The following LRRC4C variants were observed in gnomAD, a reference collection of about 807,000 sequenced individuals.
LRRC4C encodes leucine rich repeat containing 4C.
A neutral mutation model predicts 33.6 loss-of-function variants in LRRC4C; 5 were observed. The ratio of observed to expected loss-of-function variants is 0.15; its 90% CI spans 0.08 to 0.31. LRRC4C has a LOEUF of 0.31. Among genes scored for constraint, LRRC4C ranks in the 10% least tolerant of loss-of-function variants. The pLI is 1.00. For synonymous variants in LRRC4C, 329 were observed against 302.0 expected, an observed-to-expected ratio of 1.09 and a Z score of -0.93; for missense variants, 560 against 796.7, an observed-to-expected ratio of 0.70 and a Z score of 3.58.
intron 1 of LRRC4C, among the ~76,000 whole-genome samples, chr11:41,261,812 A>G (rs1948990748): frequency 6.6e-6 from 1 of 152,156 alleles, no homozygotes. Context: ...AGTGGAGATC[A>G]TATTCAATGT....
chr11:40,627,272 A>AGAGAGT (rs1555123533), intron 3 of LRRC4C, among the ~76,000 whole-genome samples: 2 of 108,802 alleles, frequency 1.8e-5, no homozygotes, highest in African/African-American at 3.8e-5. Flanking sequence ...AGAGAGAGAG[A>AGAGAGT]GAGCGAGAGA....
intron 1 of LRRC4C, among the ~76,000 whole-genome samples, chr11:40,984,374 AGAAAG>A (rs1852802306): frequency 1.3e-5 from 1 of 77,510 alleles, no homozygotes; most frequent in African/African-American, 4.8e-5. Flanking sequence ...AAAGAAAGAA[AGAAAG>A]AAAGAAAGAA....
intron 4 of LRRC4C, among the ~76,000 whole-genome samples, chr11:40,315,700 T>A (rs1945542484): frequency 6.6e-6 from 1 of 151,998 alleles, no homozygotes; most frequent in Non-Finnish European, 1.5e-5. Flanking sequence ...AGATATGTCT[T>A]CATTTGTCCA....
intron 3 of LRRC4C, among the ~76,000 whole-genome samples, chr11:40,611,659 T>C (rs2135887347): frequency 6.6e-6 from 1 of 151,890 alleles, no homozygotes; most frequent in East Asian, 1.9e-4. Flanking sequence ...ACTCTTACAA[T>C]TCAATAGCAA....
At chr11:40,346,830 A>T (rs537551312) in intron 3 of LRRC4C, among the ~76,000 whole-genome samples, 3 of 152,350 alleles carry the variant, frequency 2.0e-5, no homozygotes, top group Admixed American at 2.0e-4. Flanking sequence ...TCCTGAGCAG[A>T]TTTCAACAAT....
intron 1 of LRRC4C, among the ~76,000 whole-genome samples, chr11:41,158,830 C>T (rs146983610): frequency 1.3e-5 from 2 of 152,174 alleles, no homozygotes; most frequent in East Asian, 3.9e-4. Flanking sequence ...ATATAATACA[C>T]AAGACCACAG....
chr11:41,174,787 T>A (rs1006073590), intron 1 of LRRC4C, among the ~76,000 whole-genome samples: 5 of 151,900 alleles, frequency 3.3e-5, no homozygotes, highest in African/African-American at 7.3e-5. Context: ...TTGTTTTTTT[T>A]AAAAAAACAA....
chr11:41,451,030 C>T (rs913460145), intron 1 of LRRC4C, among the ~76,000 whole-genome samples: 2 of 152,052 alleles, frequency 1.3e-5, no homozygotes, highest in Non-Finnish European at 2.9e-5. Context: ...AATTGCTCCT[C>T]TGTCAATATA....
At chr11:40,834,905 CAG>C (rs146598588) in intron 2 of LRRC4C, among the ~76,000 whole-genome samples, 1,268 of 105,454 alleles carry the variant, frequency 0.012, 14 homozygotes, top group African/African-American at 0.041. Context: ...GACAGACAGA[CAG>C]ACAGACACAC....
At chr11:40,243,578 G>C (rs1418805514) in intron 4 of LRRC4C, among the ~76,000 whole-genome samples, 2 of 151,038 alleles carry the variant, frequency 1.3e-5, no homozygotes, top group Non-Finnish European at 3.0e-5. Flanking sequence ...TACTCATTTT[G>C]TGCTAGGTTT....
At chr11:40,203,538 A>C (rs1862923893) in intron 5 of LRRC4C, among the ~76,000 whole-genome samples, 1 of 152,198 alleles carries the variant, frequency 6.6e-6, no homozygotes, top group Admixed American at 6.5e-5. Context: ...TTGGTTACTA[A>C]AAGTAGAAGC....
intron 1 of LRRC4C, among the ~76,000 whole-genome samples, chr11:40,960,135 G>A (rs1405155616): frequency 6.8e-6 from 1 of 147,286 alleles, no homozygotes; most frequent in Non-Finnish European, 1.5e-5. Flanking sequence ...AAGGAAGGAG[G>A]GAAGGAAGGA....
intron 2 of LRRC4C, among the ~76,000 whole-genome samples, chr11:40,838,183 A>T (rs1952758767): frequency 6.6e-6 from 1 of 152,206 alleles, no homozygotes; most frequent in Non-Finnish European, 1.5e-5. Flanking sequence ...CTCACTGAGT[A>T]GTAATTCTAC....
At chr11:40,950,347 C>G (rs1450735217) in intron 1 of LRRC4C, among the ~76,000 whole-genome samples, 1 of 152,108 alleles carries the variant, frequency 6.6e-6, no homozygotes, top group African/African-American at 2.4e-5. Context: ...AAACAATGCT[C>G]TCTGCTATTA....
In LRRC4C at chr11:41,095,667, G is replaced by T. The variant is rs144336825; in HGVS notation, c.-495-161944C>A. ...ATAGAAGTGGGAGTTGGAGTGGAAG[G>T]TTAAGAAGGAATATATAATCATATC... On this transcript the variant is annotated intron_variant, in intron 1 of 6. Coordinates refer to ENST00000528697, the MANE Select transcript of LRRC4C (RefSeq NM_001258419.2). 4.8e-3 allele frequency among the ~76,000 whole-genome samples: 732 copies of T among 152,302 alleles called. 5 individuals are homozygous for T. The highest frequency in any genetic ancestry group is 7.5e-3 in the Non-Finnish European group (508 of 68,028).
chr11:40,491,292 C>G (rs1590899955), intron 3 of LRRC4C, among the ~76,000 whole-genome samples: 1 of 152,036 alleles, frequency 6.6e-6, no homozygotes, highest in African/African-American at 2.4e-5. Context: ...CTCACACACA[C>G]AAAATAAATA....
chr11:40,567,875 T>C (rs1333072621), intron 3 of LRRC4C, among the ~76,000 whole-genome samples: 2 of 152,216 alleles, frequency 1.3e-5, no homozygotes, highest in Non-Finnish European at 2.9e-5. Flanking sequence ...TGTATACTTT[T>C]TCTGATGTTT....
intron 2 of LRRC4C, among the ~76,000 whole-genome samples, chr11:40,815,929 A>C (rs1261792809): frequency 6.6e-6 from 1 of 152,232 alleles, no homozygotes; most frequent in African/African-American, 2.4e-5. Context: ...TCTTAATAGA[A>C]TATAAGATGC....
At chr11:40,925,626 TA>T (rs1367296384) in intron 2 of LRRC4C, among the ~76,000 whole-genome samples, 58 of 152,290 alleles carry the variant, frequency 3.8e-4, no homozygotes, top group African/African-American at 1.3e-3. Context: ...AAAGTTATAA[TA>T]GGGAAAAATA....
Sources: gnomAD v4.1 joint callset for allele counts (sites outside exome capture counted in the v4.1 genomes callset) on GRCh38, gnomAD v4.1.1 for gene constraint, MANE v1.5 for transcripts, NCBI Gene and HGNC (gene_info 2026-07-23, HGNC 2026-07-21) for gene names.